The following NCK1 variants were observed in gnomAD, a reference collection of about 807,000 sequenced individuals.
The protein encoded by NCK1 is NCK adaptor protein 1, also known as SH2/SH3 adapter protein NCK1.
A neutral mutation model predicts 36.6 loss-of-function variants in NCK1; 19 were observed. The ratio of observed to expected loss-of-function variants is 0.52; its 90% CI spans 0.36 to 0.76. NCK1 has a LOEUF of 0.76. Among genes scored for constraint, NCK1 ranks in the 30% least tolerant of loss-of-function variants. The pLI, the probability that NCK1 is intolerant of heterozygous loss-of-function variation, is 0.00. For missense variants in NCK1, 358 were observed against 445.6 expected (o/e 0.80, Z 1.77); for synonymous variants, 165 against 156.0 (o/e 1.06, Z -0.43).
intron 1 of NCK1, among the ~76,000 whole-genome samples, chr3:136,908,705 C>T (rs1465126089): frequency 6.6e-6 from 1 of 152,136 alleles, no homozygotes; most frequent in Non-Finnish European, 1.5e-5. Context: ...CTGTGGTTGC[C>T]ATGTCCCTTA....
chr3:136,890,735 A>G (rs1939220557), intron 1 of NCK1, among the ~76,000 whole-genome samples: 1 of 152,368 alleles, frequency 6.6e-6, no homozygotes, highest in South Asian at 2.1e-4. Context: ...GTGGTAAGAT[A>G]TGTGTAACAT....
At chr3:136,934,230 T>A (rs1261553485) in intron 2 of NCK1, among the ~76,000 whole-genome samples, 1 of 151,878 alleles carries the variant, frequency 6.6e-6, no homozygotes, top group Non-Finnish European at 1.5e-5. Flanking sequence ...GGGGTACATG[T>A]GAAGGTTTGT....
chr3:136,927,971 C>T lies in NCK1; in HGVS notation c.-18-13C>T, dbSNP rs1940288660. On this transcript the variant is annotated splice_polypyrimidine_tract_variant and intron_variant, in intron 1 of 3. Transcript: ENST00000481752. ...CTCAACCTTACATAAAAATATTTTC[C>T]ATGTGTTTACAGTGCTGAAGCTGCT... 4 of 1,519,832 alleles carry T rather than the reference C, an allele frequency of 2.6e-6. No individual in the cohort carries two copies. The highest frequency in any genetic ancestry group is 2.3e-5 in the East Asian group (1 of 44,360). The allele number at this position is 1,519,832 out of a possible 1,614,324, so 94.1% of individuals were successfully genotyped here. A position where few individuals can be genotyped will look rare whatever the true frequency, so the allele number is the denominator to read the frequency against.
At chr3:136,902,412 C>G (rs1204978036) in intron 1 of NCK1, among the ~76,000 whole-genome samples, 1 of 152,130 alleles carries the variant, frequency 6.6e-6, no homozygotes, top group African/African-American at 2.4e-5. Flanking sequence ...CCAGGCTGGT[C>G]TCGAGCTCCT....
chr3:136,927,526 G>GTTGA lies in NCK1; in HGVS notation c.-18-445_-18-442dup, dbSNP rs537140314. 7.9e-3 allele frequency among the ~76,000 whole-genome samples: 1,201 copies of GTTGA among 152,086 alleles called. 11 individuals carry two copies. Among genetic ancestry groups the GTTGA allele is most frequent in the Middle Eastern group, 0.021 (6 of 292 alleles). On this transcript the variant is annotated intron_variant, in intron 1 of 3. Coordinates refer to ENST00000481752, the MANE Select transcript of NCK1 (RefSeq NM_001291999.2). Reference sequence around the variant, plus strand: ...GCAACACCAGTCTCTTTATTGATTGGTTGATTGATTGATTGAGACAGATTC... The same window carrying GTTGA: ...GCAACACCAGTCTCTTTATTGATTGGTTGATTGATTGATTGATTGAGACAGATTC...
intron 2 of NCK1, among the ~76,000 whole-genome samples, chr3:136,939,244 T>G (rs894048382): frequency 6.6e-6 from 1 of 152,160 alleles, no homozygotes; most frequent in Non-Finnish European, 1.5e-5. Flanking sequence ...TTCTTCTAGG[T>G]TTTTTAATTT....
intron 1 of NCK1, among the ~76,000 whole-genome samples, chr3:136,890,313 C>G (rs940961724): frequency 6.6e-6 from 1 of 152,204 alleles, no homozygotes; most frequent in East Asian, 1.9e-4. Context: ...CTGCCAAGCC[C>G]ACGCCCACCC....
intron 1 of NCK1, among the ~76,000 whole-genome samples, chr3:136,877,946 A>T (rs1344282694): frequency 3.3e-5 from 5 of 152,194 alleles, no homozygotes; most frequent in Non-Finnish European, 7.3e-5. Flanking sequence ...AAATGGTTAC[A>T]TGTAATGTAT....
At chr3:136,947,743 GC>G (rs931787240) in intron 3 of NCK1, among the ~76,000 whole-genome samples, 1 of 152,028 alleles carries the variant, frequency 6.6e-6, no homozygotes, top group African/African-American at 2.4e-5. Flanking sequence ...GCTCTTGTAG[GC>G]ATTTGAGTTT....
chr3:136,864,025 C>T (rs1162757511), intron 1 of NCK1, among the ~76,000 whole-genome samples: 2 of 151,810 alleles, frequency 1.3e-5, no homozygotes, highest in Non-Finnish European at 2.9e-5. Context: ...GGCGTGAACC[C>T]GGGAGGCGGA....
At chr3:136,868,040 C>A (rs144192229) in intron 1 of NCK1, among the ~76,000 whole-genome samples, 6 of 152,170 alleles carry the variant, frequency 3.9e-5, no homozygotes, top group African/African-American at 1.4e-4. Flanking sequence ...GCCTCAGCCT[C>A]CTGAGGAGCT....
At chr3:136,865,858 G>A (rs1311377032) in intron 1 of NCK1, among the ~76,000 whole-genome samples, 2 of 152,198 alleles carry the variant, frequency 1.3e-5, no homozygotes, top group South Asian at 2.1e-4. Context: ...GATTCCATAT[G>A]CTGACTTTGT....
At chr3:136,897,692 T>A (rs1939426005) in intron 1 of NCK1, among the ~76,000 whole-genome samples, 1 of 152,214 alleles carries the variant, frequency 6.6e-6, no homozygotes, top group Non-Finnish European at 1.5e-5. Context: ...ACCCTTTTTT[T>A]AGACAAATGC....
intron 1 of NCK1, among the ~76,000 whole-genome samples, chr3:136,922,235 G>A (rs772896055): frequency 1.3e-5 from 2 of 152,206 alleles, no homozygotes; most frequent in East Asian, 3.8e-4. Context: ...TTACCCTCTC[G>A]CCAGGGACTG....
At position 136,945,907 on chromosome 3, in the gene NCK1, A is replaced by G. The variant is rs145545353; in HGVS notation, c.551A>G (p.Asn184Ser). The G allele has an allele frequency of 3.7e-4, 595 of 1,614,034 alleles. No homozygotes were observed. The highest frequency in any genetic ancestry group is 2.5e-3 in the Middle Eastern group (15 of 6,084). Residue 184 changes from asparagine (N) to serine (S), a missense_variant, in exon 3 of 4, where the codon AAT becomes AGT. Asn to Ser is a conservative substitution (Grantham distance 46, BLOSUM62 1). Around this residue, in one of 3 missense-constraint regions of NCK1, gnomAD observed 207 missense variants for 253.4 expected, o/e 0.82. Transcript: ENST00000481752. Reference sequence around the variant, plus strand: ...TCAGAGAAATTAGCAGCAGTCGTCAATAACCTAAATACTGGGCAAGTGTTG... The same window carrying G: ...TCAGAGAAATTAGCAGCAGTCGTCAGTAACCTAAATACTGGGCAAGTGTTG... ...SLSEKLAAVV[N>S]NLNTGQVLHV...
At chr3:136,918,223 A>T (rs143317070) in intron 1 of NCK1, among the ~76,000 whole-genome samples, 3 of 152,154 alleles carry the variant, frequency 2.0e-5, no homozygotes, top group Non-Finnish European at 4.4e-5. Flanking sequence ...TATCTAAATA[A>T]TATATACATA....
At chr3:136,864,007 A>G (rs1222063949) in intron 1 of NCK1, among the ~76,000 whole-genome samples, 1 of 152,150 alleles carries the variant, frequency 6.6e-6, no homozygotes, top group African/African-American at 2.4e-5. Flanking sequence ...AGGCTGAGGC[A>G]GGAGAATGGC....
chr3:136,894,391 T>G (rs1441822493), intron 1 of NCK1, among the ~76,000 whole-genome samples: 6 of 152,208 alleles, frequency 3.9e-5, no homozygotes, highest in Non-Finnish European at 1.5e-5. Flanking sequence ...ATTGGTTCAG[T>G]GCATATGCTG....
chr3:136,873,966 T>C (rs1383396815), intron 1 of NCK1, among the ~76,000 whole-genome samples: 4 of 152,220 alleles, frequency 2.6e-5, no homozygotes, highest in South Asian at 2.1e-4. Context: ...ACCATATAGC[T>C]TGTATACCTT....
Sources: allele counts gnomAD v4.1 joint callset (sites outside exome capture counted in the v4.1 genomes callset), GRCh38; gene constraint gnomAD v4.1.1; regional missense constraint gnomAD v4.1.1; transcripts MANE v1.5; gene names NCBI Gene and HGNC (gene_info 2026-07-23, HGNC 2026-07-21).